TMTC2: variants seen among roughly 807,000 people sequenced by gnomAD.
The protein encoded by TMTC2 is transmembrane O-mannosyltransferase targeting cadherins 2, also known as protein O-mannosyl-transferase TMTC2.
A neutral mutation model predicts 82.4 loss-of-function variants in TMTC2; 43 were observed. That is an observed-to-expected ratio of 0.52 (90% CI 0.41 to 0.67). The LOEUF (loss-of-function observed/expected upper bound fraction) is 0.67. Ranked by LOEUF, TMTC2 falls within the 30% of genes least tolerant of loss-of-function variation. The pLI is 0.00. For synonymous variants in TMTC2, 408 were observed against 381.9 expected, an observed-to-expected ratio of 1.07 and a Z score of -0.80; for missense variants, 919 against 1,012.4, an observed-to-expected ratio of 0.91 and a Z score of 1.25.
At chr12:82,791,028 G>A (rs1878445749) in intron 1 of TMTC2, among the ~76,000 whole-genome samples, 1 of 151,874 alleles carries the variant, frequency 6.6e-6, no homozygotes, top group Non-Finnish European at 1.5e-5. Flanking sequence ...CATCATCTCT[G>A]GGCTTCTGTA....
chr12:82,780,435 G>GTT (rs34140043), intron 1 of TMTC2, among the ~76,000 whole-genome samples: 3 of 146,112 alleles, frequency 2.1e-5, no homozygotes, highest in African/African-American at 7.5e-5. Context: ...ACAGTAAACA[G>GTT]TTTTTTTTTT....
chr12:83,072,764 C>T (rs1883160611), intron 11 of TMTC2, among the ~76,000 whole-genome samples: 1 of 152,134 alleles, frequency 6.6e-6, no homozygotes. Flanking sequence ...CCCTCTTTGT[C>T]TCTTTTAACT....
chr12:83,032,082 T>C (rs1434025734), intron 9 of TMTC2, among the ~76,000 whole-genome samples: 1 of 151,940 alleles, frequency 6.6e-6, no homozygotes. Flanking sequence ...CAACTGTCCA[T>C]GAATGTCGTT....
intron 1 of TMTC2, among the ~76,000 whole-genome samples, chr12:82,822,377 G>T (rs1869166046): frequency 6.6e-6 from 1 of 152,194 alleles, no homozygotes; most frequent in Admixed American, 6.5e-5. Context: ...TTCATAGTGG[G>T]AAGCTTGTAC....
intron 2 of TMTC2, among the ~76,000 whole-genome samples, chr12:82,885,467 T>C (rs903633192): frequency 6.6e-6 from 1 of 152,074 alleles, no homozygotes; most frequent in African/African-American, 2.4e-5. Context: ...TTTCCTGGGC[T>C]CAAGCAATCC....
intron 3 of TMTC2, among the ~76,000 whole-genome samples, chr12:82,909,605 G>T (rs961617876): frequency 6.6e-6 from 1 of 152,142 alleles, no homozygotes; most frequent in Admixed American, 6.5e-5. Flanking sequence ...CTCCCAAAGT[G>T]CTGGGATTAC....
intron 11 of TMTC2, among the ~76,000 whole-genome samples, chr12:83,104,924 C>T (rs2137537748): frequency 1.3e-5 from 2 of 152,310 alleles, no homozygotes; most frequent in Middle Eastern, 6.8e-3. Flanking sequence ...TTTCTTCACT[C>T]CTGTGTCAGA....
chr12:82,735,832 A>G (rs1592887621), intron 1 of TMTC2, among the ~76,000 whole-genome samples: 1 of 152,084 alleles, frequency 6.6e-6, no homozygotes, highest in African/African-American at 2.4e-5. Context: ...TAAAAAATAA[A>G]AAAATTAGCC....
At chr12:83,052,863 T>C (rs752372970) in intron 10 of TMTC2, among the ~76,000 whole-genome samples, 30 of 152,260 alleles carry the variant, frequency 2.0e-4, no homozygotes, top group African/African-American at 2.9e-4. Context: ...CTCTCCGGCT[T>C]TCTCTGGTCT....
At chr12:82,692,343 A>G (rs1253079700) in intron 1 of TMTC2, among the ~76,000 whole-genome samples, 4 of 152,202 alleles carry the variant, frequency 2.6e-5, no homozygotes, top group Non-Finnish European at 5.9e-5. Flanking sequence ...CTCTTCTGCT[A>G]TAATTTTGAA....
At chr12:83,022,967 T>G (rs970479123) in intron 8 of TMTC2, among the ~76,000 whole-genome samples, 1 of 152,206 alleles carries the variant, frequency 6.6e-6, no homozygotes, top group East Asian at 1.9e-4. Flanking sequence ...TAGCGGACAT[T>G]GAGTTCGTAT....
chr12:83,057,731 C>T lies in TMTC2; in HGVS notation c.2268-4037C>T, dbSNP rs533575523. Among the ~76,000 whole-genome samples the T allele has an allele frequency of 8.1e-4, 122 of 151,338 alleles. 3 individuals are homozygous for T. In the South Asian group the frequency reaches 0.025, roughly 31 times the overall value. On this transcript the variant is annotated intron_variant, in intron 10 of 11. Transcript: ENST00000321196. ...ATCTCTCTCCAGTTAAAAAAAAATGCTCATAAGCTATTCTTGAAAATAATT... is the reference window on the plus strand; with the variant it reads ...ATCTCTCTCCAGTTAAAAAAAAATGTTCATAAGCTATTCTTGAAAATAATT...
chr12:82,893,372 A>C (rs1376612486), intron 2 of TMTC2, among the ~76,000 whole-genome samples: 1 of 133,436 alleles, frequency 7.5e-6, no homozygotes, highest in African/African-American at 3.6e-5. Flanking sequence ...TCTATCTCAA[A>C]AAAAAAAAAA....
At chr12:83,089,198 T>C (rs1285396878) in intron 11 of TMTC2, among the ~76,000 whole-genome samples, 1 of 152,242 alleles carries the variant, frequency 6.6e-6, no homozygotes, top group Non-Finnish European at 1.5e-5. Flanking sequence ...TAGGCTGTTT[T>C]CCTACAACTT....
At chr12:82,843,529 C>T (rs1189660398) in intron 1 of TMTC2, among the ~76,000 whole-genome samples, 1 of 152,098 alleles carries the variant, frequency 6.6e-6, no homozygotes, top group Non-Finnish European at 1.5e-5. Flanking sequence ...AACAGGAATA[C>T]CTGTGAGGGA....
In TMTC2 at chr12:82,771,809, G is replaced by A. The variant is rs1877327594; in HGVS notation, c.83+84140G>A. Among the ~76,000 whole-genome samples, 3 of 152,050 alleles carry A rather than the reference G, an allele frequency of 2.0e-5. No homozygotes were observed. In the South Asian group the frequency reaches 6.2e-4, roughly 32 times the overall value. Reference sequence around the variant, plus strand: ...CTAGGATGTGTACCAAAGGGGTGGGGAGGGGAAGTAGGTAGGAAAGGAAGT... The same window carrying A: ...CTAGGATGTGTACCAAAGGGGTGGGAAGGGGAAGTAGGTAGGAAAGGAAGT... On this transcript the variant is annotated intron_variant, in intron 1 of 11. Transcript: ENST00000321196.
At chr12:82,949,419 A>G (rs2137276611) in intron 4 of TMTC2, among the ~76,000 whole-genome samples, 1 of 152,334 alleles carries the variant, frequency 6.6e-6, no homozygotes, top group African/African-American at 2.4e-5. Flanking sequence ...ATATGGACTT[A>G]CCAGAGTCAT....
chr12:82,737,841 C>G (rs910391235), intron 1 of TMTC2, among the ~76,000 whole-genome samples: 2 of 152,164 alleles, frequency 1.3e-5, no homozygotes, highest in African/African-American at 4.8e-5. Flanking sequence ...CTTTCTAATG[C>G]TGTTTCTAAT....
intron 3 of TMTC2, among the ~76,000 whole-genome samples, chr12:82,917,636 C>T (rs904291764): frequency 6.6e-6 from 1 of 152,078 alleles, no homozygotes; most frequent in African/African-American, 2.4e-5. Flanking sequence ...GAGTCTCACT[C>T]TGTCACCCAG....
Sources: allele counts gnomAD v4.1 joint callset (sites outside exome capture counted in the v4.1 genomes callset), GRCh38; gene constraint gnomAD v4.1.1; transcripts MANE v1.5; gene names NCBI Gene and HGNC (gene_info 2026-07-23, HGNC 2026-07-21).